The following MID1 variants were observed in gnomAD, a reference collection of about 807,000 sequenced individuals.
The protein encoded by MID1 is midline 1.
A neutral mutation model predicts 40.4 loss-of-function variants in MID1; 7 were observed. The ratio of observed to expected loss-of-function variants is 0.17; its 90% CI spans 0.10 to 0.33. The LOEUF (loss-of-function observed/expected upper bound fraction) is 0.33. MID1 is among the 10% of genes least tolerant of loss of function. The pLI is 1.00. For synonymous variants in MID1, 229 were observed against 221.2 expected, an observed-to-expected ratio of 1.04 and a Z score of -0.31; for missense variants, 367 against 558.5, an observed-to-expected ratio of 0.66 and a Z score of 3.46.
chrX:10,555,630 CT>C lies in MID1; in HGVS notation c.660+11257del, dbSNP rs374434662. ...AGTAAACAAATAAGGTTTTTTCTTT[CT>C]TTTTTTTTTAAAAGCAGGATCTGAT... is the stretch of plus-strand genomic sequence containing the variant. On this transcript the variant is annotated intron_variant, in intron 2 of 9. Coordinates refer to ENST00000317552, the MANE Select transcript of MID1 (RefSeq NM_000381.4). Among the ~76,000 whole-genome samples, 737 of 105,874 alleles carry C rather than the reference CT, an allele frequency of 7.0e-3. 8 individuals carry two copies. Among genetic ancestry groups the C allele is most frequent in the African/African-American group, 0.023 (686 of 29,245 alleles). 91.9% of individuals were successfully genotyped at this position (105,874 alleles called of 115,157 possible).
At chrX:10,821,007 G>A (rs1469093353) in intron 1 of MID1, among the ~76,000 whole-genome samples, 1 of 112,205 alleles carries the variant, frequency 8.9e-6, no homozygotes, top group Non-Finnish European at 1.9e-5. Flanking sequence ...AAACTCACAA[G>A]AGACTGGATT....
At chrX:10,556,039 A>G (rs1200196959) in intron 2 of MID1, among the ~76,000 whole-genome samples, 2 of 108,371 alleles carry the variant, frequency 1.8e-5, no homozygotes, top group African/African-American at 6.7e-5. Context: ...AGCTGCTAAC[A>G]CACAGCCCAG....
intron 1 of MID1, among the ~76,000 whole-genome samples, chrX:10,744,447 C>T (rs1237223520): frequency 8.9e-6 from 1 of 111,805 alleles, no homozygotes; most frequent in Non-Finnish European, 1.9e-5. Flanking sequence ...CTGTTCTTGA[C>T]TTAATGAGCC....
intron 1 of MID1, among the ~76,000 whole-genome samples, chrX:10,706,978 T>A (rs2147086350): frequency 8.9e-6 from 1 of 111,867 alleles, no homozygotes; most frequent in African/African-American, 3.2e-5. Flanking sequence ...AACTATAGCA[T>A]TATAATTGTG....
intron 2 of MID1, among the ~76,000 whole-genome samples, chrX:10,554,852 C>T (rs952690863): frequency 9.9e-5 from 11 of 111,515 alleles, no homozygotes; most frequent in African/African-American, 3.3e-4. Flanking sequence ...ACCATGTCAA[C>T]CAAGAGTGAC....
At chrX:10,621,762 A>C (rs1935936718), upstream of MID1, among the ~76,000 whole-genome samples, 1 of 109,596 alleles carries the variant, frequency 9.1e-6, no homozygotes, top group Non-Finnish European at 1.9e-5. Flanking sequence ...CTAAGGAGCC[A>C]CCTAGTGACA....
rs1225883168 is a variant in MID1 at position 10,456,839 on chromosome X, A to T, written c.1448-1762T>A. The stretch of plus-strand genomic sequence containing the variant: ...GCAACAGAGTGAGGCACTGTCTCAA[A>T]AAAATAACAATAAAAAAGAAAAGAA... On this transcript the variant is annotated intron_variant, in intron 8 of 9. Coordinates refer to ENST00000317552, the MANE Select transcript of MID1 (RefSeq NM_000381.4). Among the ~76,000 whole-genome samples, 35 of 111,270 alleles carry T rather than the reference A, an allele frequency of 3.1e-4. 2 individuals carry two copies.
At chrX:10,623,533 G>C (rs957030023), upstream of MID1, among the ~76,000 whole-genome samples, 12 of 111,916 alleles carry the variant, frequency 1.1e-4, no homozygotes, top group Admixed American at 4.7e-4. Flanking sequence ...GTTATTAACA[G>C]ACCTTGTAGC....
chrX:10,637,352 G>A (rs377569033), intron 1 of MID1, among the ~76,000 whole-genome samples: 1 of 109,317 alleles, frequency 9.1e-6, no homozygotes, highest in African/African-American at 3.3e-5. Context: ...AGTTCTCTGG[G>A]CCTGCCAGAG....
At chrX:10,519,930 T>G (rs1397863310) in intron 3 of MID1, among the ~76,000 whole-genome samples, 2 of 112,093 alleles carry the variant, frequency 1.8e-5, no homozygotes, top group Non-Finnish European at 1.9e-5. Flanking sequence ...CACAAAGTAT[T>G]TTAAGCCTTC....
At chrX:10,789,595 G>A (rs2043914783) in intron 1 of MID1, among the ~76,000 whole-genome samples, 1 of 112,346 alleles carries the variant, frequency 8.9e-6, no homozygotes, top group African/African-American at 3.2e-5. Flanking sequence ...ATACAGCCTA[G>A]GTGTGTAGCA....
rs1405909252 is a variant in MID1 at position 10,492,089 on chromosome X, T to A, written c.864+3495A>T. On this transcript the variant is annotated intron_variant, in intron 4 of 9. Transcript: ENST00000317552. ...TTTGTTGCTTTCCTATCTATTTTTT[T>A]ATTTCATTTCCTTCTTTTGTGGCTT... Among the ~76,000 whole-genome samples the A allele has an allele frequency of 2.7e-5, 3 of 112,017 alleles. No homozygotes were observed. The East Asian group carries it at 8.4e-4, about 31-fold the overall frequency.
At chrX:10,564,908 G>A (rs1438069060) in intron 2 of MID1, among the ~76,000 whole-genome samples, 1 of 108,257 alleles carries the variant, frequency 9.2e-6, no homozygotes, top group Non-Finnish European at 1.9e-5. Context: ...ACAAAGATCT[G>A]GCATGTTTAC....
At chrX:10,521,471 T>C (rs1195560006) in intron 3 of MID1, among the ~76,000 whole-genome samples, 1 of 110,916 alleles carries the variant, frequency 9.0e-6, no homozygotes, top group African/African-American at 3.3e-5. Flanking sequence ...CAAATAGACA[T>C]GGGTTAGAGG....
intron 1 of MID1, among the ~76,000 whole-genome samples, chrX:10,646,663 G>C (rs1936265134): frequency 9.0e-6 from 1 of 111,381 alleles, no homozygotes; most frequent in Non-Finnish European, 1.9e-5. Flanking sequence ...TCTCCCTTTA[G>C]AACACAGCCA....
intron 1 of MID1, among the ~76,000 whole-genome samples, chrX:10,780,134 T>C (rs2043835408): frequency 9.1e-6 from 1 of 110,164 alleles, no homozygotes; most frequent in Admixed American, 9.7e-5. Context: ...CCCAGCTAAC[T>C]TTTGTATTTT....
At chrX:10,806,141 C>G (rs2044045225) in intron 1 of MID1, among the ~76,000 whole-genome samples, 1 of 109,159 alleles carries the variant, frequency 9.2e-6, no homozygotes, top group South Asian at 4.0e-4. Context: ...ACATGAAGTC[C>G]TTGCCCATGC....
intron 1 of MID1, among the ~76,000 whole-genome samples, chrX:10,718,847 C>T (rs1401033525): frequency 1.8e-5 from 2 of 111,771 alleles, no homozygotes; most frequent in Non-Finnish European, 3.8e-5. Context: ...AGCTTATCCA[C>T]TATGATCAAG....
intron 1 of MID1, among the ~76,000 whole-genome samples, chrX:10,573,811 T>C (rs1045590673): frequency 1.2e-4 from 13 of 111,977 alleles, no homozygotes; most frequent in Non-Finnish European, 2.4e-4. Flanking sequence ...CGAGAACCCC[T>C]TTCTGGAACC....
Sources: gnomAD v4.1 joint callset for allele counts (sites outside exome capture counted in the v4.1 genomes callset) on GRCh38, gnomAD v4.1.1 for gene constraint, MANE v1.5 for transcripts, NCBI Gene and HGNC (gene_info 2026-07-23, HGNC 2026-07-21) for gene names.